Variants in TENM4 observed in about 807,000 individuals in gnomAD.
The protein encoded by TENM4 is teneurin-4.
TENM4 carries 82 observed loss-of-function variants against 243.3 expected under a neutral mutation model. The ratio of observed to expected loss-of-function variants is 0.34; its 90% CI spans 0.28 to 0.40. TENM4 has a LOEUF of 0.40. Among genes scored for constraint, TENM4 ranks in the 10% least tolerant of loss-of-function variants. TENM4 has a pLI of 1.00. For missense variants in TENM4, 3,138 were observed against 3,673.3 expected (o/e 0.85, Z 3.77); for synonymous variants, 1,412 against 1,456.3 (o/e 0.97, Z 0.69).
chr11:79,142,440 T>A (rs1402772793), intron 4 of TENM4, among the ~76,000 whole-genome samples: 1 of 151,838 alleles, frequency 6.6e-6, no homozygotes, highest in African/African-American at 2.4e-5. Flanking sequence ...AAATAAAAGA[T>A]CTCTACAATG....
At chr11:78,890,041 G>A in intron 8 of TENM4, 21 bp from the exon 9 acceptor site, 1 of 1,516,138 alleles carries the variant, frequency 6.6e-7, no homozygotes, top group Non-Finnish European at 8.9e-7. Flanking sequence ...AGAGCAGCAA[G>A]AGGGTGTCAG....
intron 2 of TENM4, among the ~76,000 whole-genome samples, chr11:79,283,360 A>G (rs1054353884): frequency 3.3e-5 from 5 of 152,134 alleles, no homozygotes; most frequent in African/African-American, 1.2e-4. Context: ...AAAAAGAACT[A>G]TACACCATGA....
chr11:79,384,138 T>C (rs995134550), intron 1 of TENM4, among the ~76,000 whole-genome samples: 6 of 152,206 alleles, frequency 3.9e-5, no homozygotes, highest in African/African-American at 1.4e-4. Flanking sequence ...AGTGTTAATT[T>C]ACAGTGTTTT....
chr11:79,059,802 A>G (rs1051751040), intron 6 of TENM4, among the ~76,000 whole-genome samples: 1 of 152,160 alleles, frequency 6.6e-6, no homozygotes, highest in African/African-American at 2.4e-5. Context: ...TAAAATGACA[A>G]AACTGTGGCT....
chr11:79,425,671 G>A (rs1043626775), intron 1 of TENM4, among the ~76,000 whole-genome samples: 1 of 152,212 alleles, frequency 6.6e-6, no homozygotes, highest in Non-Finnish European at 1.5e-5. Context: ...GCACACAGTA[G>A]GGGCACAAAT....
chr11:79,359,136 C>T (rs1857548415), intron 1 of TENM4, among the ~76,000 whole-genome samples: 1 of 152,078 alleles, frequency 6.6e-6, no homozygotes, highest in African/African-American at 2.4e-5. Context: ...CATGGTGTTG[C>T]ATACCTGTAG....
chr11:79,403,437 T>C (rs1050562089), intron 1 of TENM4, among the ~76,000 whole-genome samples: 1 of 152,212 alleles, frequency 6.6e-6, no homozygotes, highest in Non-Finnish European at 1.5e-5. Flanking sequence ...AAGGCACTGA[T>C]AGTTCCATTT....
intron 7 of TENM4, among the ~76,000 whole-genome samples, chr11:78,899,569 G>GGT (rs1555098964): frequency 1.6e-5 from 2 of 123,762 alleles, no homozygotes; most frequent in Admixed American, 8.1e-5. Flanking sequence ...CGGGGGGGGG[G>GGT]GGAAAAAGAA....
intron 3 of TENM4, among the ~76,000 whole-genome samples, chr11:79,214,836 G>C (rs183803314): frequency 5.3e-5 from 8 of 152,376 alleles, no homozygotes; most frequent in African/African-American, 1.9e-4. Flanking sequence ...AAATATGGGA[G>C]AGATTTCATC....
chr11:79,018,678 C>A (rs34843570), intron 6 of TENM4, among the ~76,000 whole-genome samples: 2 of 152,126 alleles, frequency 1.3e-5, no homozygotes, highest in Admixed American at 6.5e-5. Flanking sequence ...ACCTCTCCCC[C>A]ACGCTTATTT....
intron 1 of TENM4, among the ~76,000 whole-genome samples, chr11:79,389,303 G>A (rs1858181347): frequency 6.6e-6 from 1 of 152,166 alleles, no homozygotes; most frequent in African/African-American, 2.4e-5. Flanking sequence ...TTATAGGCAT[G>A]TGCCACCACG....
chr11:79,274,445 G>T (rs557198735), intron 2 of TENM4, among the ~76,000 whole-genome samples: 1 of 152,346 alleles, frequency 6.6e-6, no homozygotes, highest in South Asian at 2.1e-4. Flanking sequence ...ATCATCTGAG[G>T]AAGTTTATAC....
intron 6 of TENM4, among the ~76,000 whole-genome samples, chr11:79,055,987 C>T (rs1859933875): frequency 6.6e-6 from 1 of 152,180 alleles, no homozygotes; most frequent in Non-Finnish European, 1.5e-5. Flanking sequence ...ACATCTGGCA[C>T]TGGAACTAGG....
chr11:78,991,434 G>A (rs921954108), intron 6 of TENM4, among the ~76,000 whole-genome samples: 2 of 152,148 alleles, frequency 1.3e-5, no homozygotes, highest in African/African-American at 4.8e-5. Flanking sequence ...AGATTGTACC[G>A]AGCAACCAAG....
chr11:79,043,060 G>T (rs1224074595), intron 6 of TENM4, among the ~76,000 whole-genome samples: 1 of 152,148 alleles, frequency 6.6e-6, no homozygotes, highest in Admixed American at 6.5e-5. Flanking sequence ...TGGCTAGACT[G>T]CCAGCAATCC....
chr11:79,268,532 G>C (rs1225431849), intron 2 of TENM4, among the ~76,000 whole-genome samples: 1 of 152,074 alleles, frequency 6.6e-6, no homozygotes, highest in Admixed American at 6.5e-5. Context: ...ATTATTCATG[G>C]ACTACCTATT....
intron 6 of TENM4, among the ~76,000 whole-genome samples, chr11:78,975,304 C>T (rs1437457924): frequency 6.6e-6 from 1 of 151,918 alleles, no homozygotes; most frequent in Non-Finnish European, 1.5e-5. Flanking sequence ...TGAGATGGTT[C>T]ATTCACACCT....
intron 2 of TENM4, among the ~76,000 whole-genome samples, chr11:79,224,662 G>A (rs1023613219): frequency 6.6e-6 from 1 of 152,128 alleles, no homozygotes; most frequent in East Asian, 1.9e-4. Context: ...TATAAAAAGG[G>A]GAAACTTGGC....
chr11:79,135,739 C>CATATATGTATAT (rs1565218028), intron 4 of TENM4, among the ~76,000 whole-genome samples: 2 of 135,902 alleles, frequency 1.5e-5, no homozygotes, highest in African/African-American at 5.4e-5. Flanking sequence ...ATGATATATA[C>CATATATGTATAT]ATCATATATA....
Sources: gnomAD v4.1 joint callset for allele counts (sites outside exome capture counted in the v4.1 genomes callset) on GRCh38, gnomAD v4.1.1 for gene constraint, MANE v1.5 for transcripts, NCBI Gene and HGNC (gene_info 2026-07-23, HGNC 2026-07-21) for gene names.